CYTH3: variants seen among roughly 807,000 people sequenced by gnomAD.
CYTH3 encodes cytohesin 3.
In CYTH3, 23 loss-of-function variants were observed where a neutral mutation model predicts 55.1. The ratio of observed to expected loss-of-function variants is 0.42; its 90% CI spans 0.30 to 0.59. The LOEUF is 0.59. CYTH3 is among the 20% of genes least tolerant of loss of function. The pLI is 0.20. For synonymous variants in CYTH3, 249 were observed against 194.9 expected (o/e 1.28, Z -2.31); for missense variants, 413 against 524.8 (o/e 0.79, Z 2.08).
chr7:6,171,161 C>T lies in CYTH3; in HGVS notation c.562+41G>A. On this transcript the variant is annotated intron_variant, in intron 7 of 12. Coordinates refer to ENST00000350796, the MANE Select transcript of CYTH3 (RefSeq NM_004227.4). This position sits in a 1 kb window ranked among gnomAD's most constrained non-coding sequence, Gnocchi z 6.7. Reference sequence around the variant, plus strand: ...GGGCCGCCCCCTCCAGAGCTGGAGGCTGTGCCTGGCAAGGGGCCAGGCTGT... The same window carrying T: ...GGGCCGCCCCCTCCAGAGCTGGAGGTTGTGCCTGGCAAGGGGCCAGGCTGT... The T allele has an allele frequency of 6.2e-7, 1 of 1,608,556 alleles. No individual in the cohort carries two copies. The highest frequency in any genetic ancestry group is 1.3e-5 in the African/African-American group (1 of 74,908).
In CYTH3 at chr7:6,164,697, G is replaced by T; in HGVS notation, c.*247C>A. On this transcript the variant is annotated 3_prime_UTR_variant, in exon 13 of 13. Transcript: ENST00000350796. ...GACCATGACCCCAGCCACGGCAGGA[G>T]GCCTCGAGGATCAGTCTGGGCCACG... 1.8e-6 allele frequency: 1 copy of T among 559,976 alleles called. No homozygotes were observed. The highest frequency in any genetic ancestry group is 3.2e-6 in the Non-Finnish European group (1 of 315,212). 34.7% of individuals were successfully genotyped at this position (559,976 alleles called of 1,614,324 possible). A position where few individuals can be genotyped will look rare whatever the true frequency, so the allele number is the denominator to read the frequency against.
chr7:6,196,247 G>T (rs79738293), intron 1 of CYTH3, among the ~76,000 whole-genome samples: 9 of 152,080 alleles, frequency 5.9e-5, no homozygotes, highest in Non-Finnish European at 1.2e-4. Context: ...CACACTTAGC[G>T]TTGAAGGAGA....
At chr7:6,211,519 G>A (rs1306270971) in intron 1 of CYTH3, among the ~76,000 whole-genome samples, 1 of 152,220 alleles carries the variant, frequency 6.6e-6, no homozygotes, top group Non-Finnish European at 1.5e-5. Flanking sequence ...GGGCACAGTG[G>A]TGCACACCTA....
At position 6,243,901 on chromosome 7, in the gene CYTH3, A is replaced by C. The variant is rs564645474; in HGVS notation, c.34+28573T>G. ...ACCAGAGAAGTGAATTTTTAAAAAGATTTCATTGTCATTGTTGTCTCATCA... is the reference window on the plus strand; with the variant it reads ...ACCAGAGAAGTGAATTTTTAAAAAGCTTTCATTGTCATTGTTGTCTCATCA... On this transcript the variant is annotated intron_variant, in intron 1 of 12. Coordinates refer to ENST00000350796, the MANE Select transcript of CYTH3 (RefSeq NM_004227.4). Among the ~76,000 whole-genome samples the C allele has an allele frequency of 3.3e-5, 5 of 152,322 alleles. No individual in the cohort carries two copies. In the South Asian group the frequency reaches 1.0e-3, roughly 32 times the overall value.
chr7:6,222,687 C>T (rs1360327680), intron 1 of CYTH3, among the ~76,000 whole-genome samples: 1 of 148,914 alleles, frequency 6.7e-6, no homozygotes, highest in Non-Finnish European at 1.5e-5. Context: ...GCAGAGGTTG[C>T]GGTGAGCTGA....
intron 4 of CYTH3, among the ~76,000 whole-genome samples, chr7:6,182,322 T>A (rs1562883138): frequency 6.6e-6 from 1 of 152,184 alleles, no homozygotes; most frequent in African/African-American, 2.4e-5. Flanking sequence ...AGTGCTCGGA[T>A]TACAGGCGTG....
In CYTH3 at chr7:6,171,382, T is replaced by A. The variant is rs1783189004; in HGVS notation, c.450-68A>T. 1 of 1,470,820 alleles carries A rather than the reference T, an allele frequency of 6.8e-7. No homozygotes were observed. The highest frequency in any genetic ancestry group is 9.5e-7 in the Non-Finnish European group (1 of 1,055,114). The allele number at this position is 1,470,820 out of a possible 1,614,324, so 91.1% of individuals were successfully genotyped here. A position where few individuals can be genotyped will look rare whatever the true frequency, so the allele number is the denominator to read the frequency against. ...CACCGCCTCACGGCCAAGGGCGGCT[T>A]CTGCCCAGCTCAGGAAGGACGTTTT... On this transcript the variant is annotated intron_variant, in intron 6 of 12. Coordinates refer to ENST00000350796, the MANE Select transcript of CYTH3 (RefSeq NM_004227.4). The surrounding 1 kb of genome is among the most constrained non-coding windows in gnomAD (Gnocchi z 6.7).
chr7:6,252,889 G>C (rs1048077714), intron 1 of CYTH3, among the ~76,000 whole-genome samples: 2 of 152,080 alleles, frequency 1.3e-5, no homozygotes, highest in Non-Finnish European at 2.9e-5. Flanking sequence ...ACTATGTTAA[G>C]CCAGATAACT....
At chr7:6,165,676 G>A in intron 10 of CYTH3, 58 bp downstream of exon 10, 2 of 1,613,214 alleles carry the variant, frequency 1.2e-6, no homozygotes, top group Non-Finnish European at 8.5e-7. Flanking sequence ...GGGTCCCTCG[G>A]CCCCAGGGCA....
intron 1 of CYTH3, among the ~76,000 whole-genome samples, chr7:6,267,628 A>G (rs1050605212): frequency 2.0e-5 from 3 of 152,092 alleles, no homozygotes; most frequent in Non-Finnish European, 4.4e-5. Flanking sequence ...GGTTCAAGCA[A>G]TTCTCCTGCC....
rs1324157522 is a variant in CYTH3 at position 6,171,209 on chromosome 7, C to T, written c.555G>A (p.Gln185=). 1 of 1,614,150 alleles carries T rather than the reference C, an allele frequency of 6.2e-7. No homozygotes were observed. The highest frequency in any genetic ancestry group is 8.5e-7 in the Non-Finnish European group (1 of 1,180,008). The change falls in exon 7 of 13, where the codon CAG becomes CAA. Residue 185 remains glutamine, a synonymous_variant. Coordinates refer to ENST00000350796, the MANE Select transcript of CYTH3 (RefSeq NM_004227.4). The surrounding 1 kb of genome is among the most constrained non-coding windows in gnomAD (Gnocchi z 6.7). ...RYCLCNPGVF[Q]STDTCYVLSF... ...TGTGGGCTCTGCACTGACCTGTGGA[C>T]TGGAAGACCCCGGGGTTGCACAGGC...
chr7:6,177,190 G>T (rs1783372763), intron 5 of CYTH3, among the ~76,000 whole-genome samples: 1 of 152,212 alleles, frequency 6.6e-6, no homozygotes, highest in Admixed American at 6.5e-5. Context: ...GAGTCGGGAA[G>T]TATTCCACTT....
At chr7:6,168,311 G>T (rs754121041) in intron 9 of CYTH3, among the ~76,000 whole-genome samples, 34 of 151,494 alleles carry the variant, frequency 2.2e-4, no homozygotes, top group Non-Finnish European at 4.7e-4. Context: ...ACACAGCAGG[G>T]CTCCTACGCT....
chr7:6,227,450 C>T (rs1272681542), intron 1 of CYTH3, among the ~76,000 whole-genome samples: 1 of 152,156 alleles, frequency 6.6e-6, no homozygotes, highest in Non-Finnish European at 1.5e-5. Context: ...AACAGCCCTT[C>T]CTGATTTAAA....
At chr7:6,166,358 A>G (rs1443068090) in intron 9 of CYTH3, among the ~76,000 whole-genome samples, 1 of 152,210 alleles carries the variant, frequency 6.6e-6, no homozygotes, top group East Asian at 1.9e-4. Flanking sequence ...TTAAACACTG[A>G]GCAGAGACAA....
At chr7:6,193,377 C>CA (rs759990952) in intron 1 of CYTH3, among the ~76,000 whole-genome samples, 2,392 of 62,884 alleles carry the variant, frequency 0.038, 29 homozygotes, top group South Asian at 0.067. Flanking sequence ...ACTCCCGTCT[C>CA]AAAAAAAAAA....
intron 1 of CYTH3, among the ~76,000 whole-genome samples, chr7:6,254,612 C>T (rs1489654812): frequency 9.9e-5 from 15 of 152,180 alleles, no homozygotes; most frequent in Non-Finnish European, 1.5e-4. Flanking sequence ...CAATGCTCGG[C>T]TAATTTTTTG....
In CYTH3 at chr7:6,169,789, A is replaced by T. The variant is rs1255116147; in HGVS notation, c.823+746T>A. Among the ~76,000 whole-genome samples the T allele has an allele frequency of 6.6e-6, 1 of 152,158 alleles. No individual in the cohort carries two copies. The highest frequency in any genetic ancestry group is 1.5e-5 in the Non-Finnish European group (1 of 68,026). ...AGTATGGGGTGGAGGGTGACGCCGCAGGGACAGGGCTGGCTGTCTGCTTCT... is the reference window on the plus strand; with the variant it reads ...AGTATGGGGTGGAGGGTGACGCCGCTGGGACAGGGCTGGCTGTCTGCTTCT... On this transcript the variant is annotated intron_variant, in intron 9 of 12. Transcript: ENST00000350796. The surrounding 1 kb of genome is among the most constrained non-coding windows in gnomAD (Gnocchi z 4.1).
intron 5 of CYTH3, among the ~76,000 whole-genome samples, chr7:6,176,163 T>C (rs1295017780): frequency 2.0e-5 from 3 of 152,090 alleles, no homozygotes; most frequent in African/African-American, 7.2e-5. Flanking sequence ...TTATCCTAAG[T>C]ATCTTATTCC....
Sources: gnomAD v4.1 joint callset for allele counts (sites outside exome capture counted in the v4.1 genomes callset) on GRCh38, gnomAD v4.1.1 for gene constraint, Gnocchi (gnomAD v3.1) non-coding constraint, MANE v1.5 for transcripts, NCBI Gene and HGNC (gene_info 2026-07-23, HGNC 2026-07-21) for gene names.